ANXA11: variants seen among roughly 807,000 people sequenced by gnomAD.
ANXA11 encodes annexin A11.
A neutral mutation model predicts 64.7 loss-of-function variants in ANXA11; 57 were observed. That is an observed-to-expected ratio of 0.88 (90% CI 0.71 to 1.10). The LOEUF (loss-of-function observed/expected upper bound fraction) is 1.10. Ranked by LOEUF, ANXA11 falls within the 50% of genes least tolerant of loss-of-function variation. The pLI is 0.00. For missense variants in ANXA11, 675 were observed against 670.7 expected, an observed-to-expected ratio of 1.01 and a Z score of -0.07; for synonymous variants, 260 against 265.2, an observed-to-expected ratio of 0.98 and a Z score of 0.19.
At chr10:80,195,087 G>A (rs11202059) in intron 1 of ANXA11, among the ~76,000 whole-genome samples, 21,629 of 152,022 alleles carry the variant, frequency 0.14, 1,916 homozygotes, top group South Asian at 0.24. Context: ...GCAGCAGTGT[G>A]TCCCCCAGCC....
At chr10:80,175,441 G>C (rs1162449522) in intron 2 of ANXA11, among the ~76,000 whole-genome samples, 2 of 152,040 alleles carry the variant, frequency 1.3e-5, no homozygotes, top group Non-Finnish European at 2.9e-5. Context: ...TCCACAGCCA[G>C]GCCAGGGAAA....
rs936735794 is a variant in ANXA11, at chr10:80,202,670, A to G, written c.-58+2673T>C. On this transcript the variant is annotated intron_variant, in intron 1 of 15. Transcript: ENST00000422982. ...GTCTACTTCCTTGGCAGTGCTGGTGAAGCATACCCTTACACAGACGCTTCC... is the reference window on the plus strand; with the variant it reads ...GTCTACTTCCTTGGCAGTGCTGGTGGAGCATACCCTTACACAGACGCTTCC... Among the ~76,000 whole-genome samples, 4 of 152,168 alleles carry G rather than the reference A, an allele frequency of 2.6e-5. No homozygotes were observed. The East Asian group carries it at 7.7e-4, about 29-fold the overall frequency.
intron 15 of ANXA11, 109 bp downstream of exon 15, chr10:80,157,532 T>C (rs1845321042): frequency 1.3e-6 from 2 of 1,508,462 alleles, no homozygotes; most frequent in Admixed American, 4.4e-5. Context: ...ATAATCAAGA[T>C]GCCCACACAC....
At position 80,166,988 on chromosome 10, in the gene ANXA11, G is replaced by A. The variant is rs1250656161; in HGVS notation, c.650-4C>T. On this transcript the variant is annotated splice_polypyrimidine_tract_variant and splice_region_variant and intron_variant, in intron 6 of 15. Coordinates refer to ENST00000422982, the MANE Select transcript of ANXA11 (RefSeq NM_145868.2). ...ATGATGGCCTGCTCATCCGTCCCTGGAGGAAGAGGCAGCAGGGGTGGGTCG... is the reference window on the plus strand; with the variant it reads ...ATGATGGCCTGCTCATCCGTCCCTGAAGGAAGAGGCAGCAGGGGTGGGTCG... The A allele has an allele frequency of 1.3e-5, 20 of 1,592,098 alleles. No homozygotes were observed. Among genetic ancestry groups the A allele is most frequent in the Non-Finnish European group, 1.7e-5 (20 of 1,169,246 alleles).
chr10:80,167,150 G>T, intron 6 of ANXA11, 76 bp downstream of exon 6: 1 of 1,480,778 alleles, frequency 6.8e-7, no homozygotes, highest in Non-Finnish European at 9.4e-7. Context: ...AGCTACCCCA[G>T]CCCACAGAGC....
intron 1 of ANXA11, among the ~76,000 whole-genome samples, chr10:80,200,820 G>A (rs1840387261): frequency 1.3e-5 from 2 of 152,132 alleles, no homozygotes; most frequent in Non-Finnish European, 2.9e-5. Context: ...GGGATTGCTT[G>A]AGGCCAGGGC....
chr10:80,163,085 C>T (rs1056474906), intron 11 of ANXA11, among the ~76,000 whole-genome samples: 9 of 152,146 alleles, frequency 5.9e-5, no homozygotes, highest in Admixed American at 2.6e-4. Flanking sequence ...CAAAATCCCA[C>T]GTCCAAAACC....
chr10:80,176,419 C>T (rs545999269), intron 1 of ANXA11, among the ~76,000 whole-genome samples: 3 of 152,192 alleles, frequency 2.0e-5, no homozygotes, highest in East Asian at 3.9e-4. Context: ...TAGACGTGCA[C>T]GGACATCCTT....
At chr10:80,198,124 G>A (rs1229282576) in intron 1 of ANXA11, among the ~76,000 whole-genome samples, 2 of 152,234 alleles carry the variant, frequency 1.3e-5, no homozygotes, top group Non-Finnish European at 2.9e-5. Context: ...AGGAACAGAA[G>A]CTGCCTTGCT....
At chr10:80,170,247 T>C (rs1845919078) in intron 4 of ANXA11, among the ~76,000 whole-genome samples, 1 of 152,198 alleles carries the variant, frequency 6.6e-6, no homozygotes, top group Non-Finnish European at 1.5e-5. Context: ...TGGCACAAAT[T>C]AGGGTGTGTA....
chr10:80,172,984 C>A lies in ANXA11; in HGVS notation c.-8-115G>T. Reference sequence around the variant, plus strand: ...CACAACTGGGACCCTGCAGAAGAAACTGCTGCATCTGCCCTGCTTGTCGCA... The same window carrying A: ...CACAACTGGGACCCTGCAGAAGAAAATGCTGCATCTGCCCTGCTTGTCGCA... On this transcript the variant is annotated intron_variant, in intron 2 of 15. Coordinates refer to ENST00000422982, the MANE Select transcript of ANXA11 (RefSeq NM_145868.2). The A allele has an allele frequency of 3.6e-6, 3 of 831,656 alleles. No homozygotes were observed. In the South Asian group the frequency reaches 4.6e-5, roughly 13 times the overall value. The allele number at this position is 831,656 out of a possible 1,614,324, so 51.5% of individuals were successfully genotyped here. A position where few individuals can be genotyped will look rare whatever the true frequency, so the allele number is the denominator to read the frequency against.
chr10:80,156,040 T>C (rs1845262455), intron 15 of ANXA11, 128 bp from the exon 16 acceptor site: 4 of 854,106 alleles, frequency 4.7e-6, no homozygotes, highest in Admixed American at 4.1e-5. Context: ...TTTCTCCCAC[T>C]GCAGGTCCTG....
intron 1 of ANXA11, among the ~76,000 whole-genome samples, chr10:80,184,842 A>G (rs1282577512): frequency 6.6e-6 from 1 of 152,204 alleles, no homozygotes; most frequent in Non-Finnish European, 1.5e-5. Flanking sequence ...TCAAAAATGC[A>G]GTCCCACAGC....
intron 15 of ANXA11, chr10:80,156,299 C>T (rs36073865): frequency 0.12 from 47,006 of 399,628 alleles, 3,495 homozygotes; most frequent in South Asian, 0.23. Context: ...GCAATCTCCT[C>T]ACACATGACT....
Position 80,153,855 on chromosome 10 carries a change from T to G in ANXA11, c.*1998A>C, listed in dbSNP as rs1002074164. On this transcript the variant is annotated 3_prime_UTR_variant, in exon 16 of 16. Transcript: ENST00000422982. ...AGGGGGTAGTCCTCAAGCAAATGTC[T>G]GCAGATGAGCTACTCCCTGGGGCTC... The G allele has an allele frequency of 6.6e-6, 1 of 152,246 alleles. No homozygotes were observed. The highest frequency in any genetic ancestry group is 1.5e-5 in the Non-Finnish European group (1 of 68,064). 9.4% of individuals were successfully genotyped at this position (152,246 alleles called of 1,614,324 possible).
chr10:80,200,970 G>A (rs901732940), intron 1 of ANXA11, among the ~76,000 whole-genome samples: 4 of 152,182 alleles, frequency 2.6e-5, no homozygotes, highest in African/African-American at 9.7e-5. Context: ...GATGTCAGTG[G>A]CAGGCCATCC....
chr10:80,163,943 TAAG>T, intron 9 of ANXA11, 107 bp downstream of exon 9: 2 of 916,844 alleles, frequency 2.2e-6, no homozygotes, highest in Non-Finnish European at 3.3e-6. Flanking sequence ...GATGGGTTGA[TAAG>T]AAGGCCAGGA....
chr10:80,168,289 G>A (rs1845828570), intron 5 of ANXA11, among the ~76,000 whole-genome samples: 1 of 149,936 alleles, frequency 6.7e-6, no homozygotes, highest in Non-Finnish European at 1.5e-5. Flanking sequence ...AGGGACCGAA[G>A]ACAGCTGTTG....
intron 12 of ANXA11, among the ~76,000 whole-genome samples, chr10:80,160,473 G>T (rs554000345): frequency 6.6e-6 from 1 of 152,264 alleles, no homozygotes; most frequent in East Asian, 1.9e-4. Flanking sequence ...AGCACAGAGC[G>T]GTCGCTGGGT....
Sources: allele counts gnomAD v4.1 joint callset (sites outside exome capture counted in the v4.1 genomes callset), GRCh38; gene constraint gnomAD v4.1.1; transcripts MANE v1.5; gene names NCBI Gene and HGNC (gene_info 2026-07-23, HGNC 2026-07-21).